ADAM10: variants seen among roughly 807,000 people sequenced by gnomAD.
ADAM10 encodes ADAM metallopeptidase domain 10.
A neutral mutation model predicts 90.1 loss-of-function variants in ADAM10; 17 were observed. The observed-to-expected ratio is 0.19, with a 90% CI of 0.13 to 0.28. The LOEUF is 0.28. Among genes scored for constraint, ADAM10 ranks in the 10% least tolerant of loss-of-function variants. The pLI is 1.00. For synonymous variants in ADAM10, 310 were observed against 298.6 expected (o/e 1.04, Z -0.40); for missense variants, 610 against 914.3 (o/e 0.67, Z 4.29).
At chr15:58,656,104 A>G (rs1480621727) in intron 5 of ADAM10, among the ~76,000 whole-genome samples, 1 of 152,074 alleles carries the variant, frequency 6.6e-6, no homozygotes, top group Non-Finnish European at 1.5e-5. Flanking sequence ...CCTGAAATCT[A>G]TTTTGACTGA....
At chr15:58,687,894 T>C (rs906147212) in intron 2 of ADAM10, among the ~76,000 whole-genome samples, 4 of 152,156 alleles carry the variant, frequency 2.6e-5, no homozygotes, top group South Asian at 2.1e-4. Flanking sequence ...TTTAGGATTA[T>C]AGATGGGGGA....
chr15:58,611,092 T>C lies in ADAM10; in HGVS notation c.1711A>G (p.Ile571Val), dbSNP rs199764041. Reference protein sequence around the residue: ...VCINGQCAGSICEKYGLEECT... With the variant: ...VCINGQCAGSVCEKYGLEECT... ...TCCTCTAAGCCATATTTCTCACAGA[T>C]AGAACCTGCACATTGCTAGAAGAAA... Residue 571 changes from isoleucine to valine, a missense_variant, in exon 13 of 16, where the codon ATC becomes GTC. This residue lies in a region of ADAM10 where 150 missense variants were observed against 268.5 expected (regional missense o/e 0.56). Coordinates refer to ENST00000260408, the MANE Select transcript of ADAM10 (RefSeq NM_001110.4). 28 of 1,613,290 alleles carry C rather than the reference T, an allele frequency of 1.7e-5. No individual in the cohort carries two copies. The highest frequency in any genetic ancestry group is 3.3e-5 in the Admixed American group (2 of 60,020).
chr15:58,601,316 G>C (rs943675129), intron 14 of ADAM10, among the ~76,000 whole-genome samples: 2 of 152,006 alleles, frequency 1.3e-5, no homozygotes, highest in South Asian at 4.2e-4. Context: ...ACAAAAATTA[G>C]CCAGGAATGA....
chr15:58,648,467 T>C (rs1238983621), intron 5 of ADAM10, among the ~76,000 whole-genome samples: 3 of 152,182 alleles, frequency 2.0e-5, no homozygotes, highest in East Asian at 1.9e-4. Context: ...TGAAGTTTTA[T>C]GTGTGAAAGA....
At chr15:58,666,857 T>C (rs1405963621) in intron 4 of ADAM10, among the ~76,000 whole-genome samples, 1 of 152,158 alleles carries the variant, frequency 6.6e-6, no homozygotes, top group African/African-American at 2.4e-5. Context: ...ACAGTATTTA[T>C]ATATGCTTCA....
chr15:58,627,552 A>T, intron 10 of ADAM10, 148 bp downstream of exon 10: 1 of 696,690 alleles, frequency 1.4e-6, no homozygotes, highest in Non-Finnish European at 2.4e-6. Flanking sequence ...TGGCAAGATT[A>T]AGAAATAACG....
chr15:58,623,009 T>A (rs1895832867), intron 10 of ADAM10, among the ~76,000 whole-genome samples: 1 of 152,140 alleles, frequency 6.6e-6, no homozygotes, highest in Non-Finnish European at 1.5e-5. Flanking sequence ...CAAATCGACA[T>A]GGAAAACAGT....
intron 7 of ADAM10, among the ~76,000 whole-genome samples, chr15:58,641,725 G>A (rs1226708191): frequency 6.6e-6 from 1 of 152,152 alleles, no homozygotes; most frequent in Non-Finnish European, 1.5e-5. Context: ...AGAGACCTGT[G>A]TGTCTCCTCT....
At chr15:58,627,635 A>G (rs2076656400) in intron 10 of ADAM10, 65 bp downstream of exon 10, 3 of 1,448,522 alleles carry the variant, frequency 2.1e-6, no homozygotes, top group African/African-American at 1.4e-5. Context: ...ATCACTATAG[A>G]ATTCTTTCAA....
At chr15:58,713,920 G>A (rs1330790792) in intron 2 of ADAM10, among the ~76,000 whole-genome samples, 1 of 151,052 alleles carries the variant, frequency 6.6e-6, no homozygotes, top group African/African-American at 2.4e-5. Context: ...TCAAGCGATT[G>A]TCATGCCTCA....
chr15:58,676,338 T>C (rs965314402), intron 4 of ADAM10: 1 of 454,878 alleles, frequency 2.2e-6, no homozygotes, highest in African/African-American at 2.0e-5. Context: ...CATAACGTTA[T>C]TTTGAGAATT....
At chr15:58,628,980 A>C (rs539398748) in intron 9 of ADAM10, among the ~76,000 whole-genome samples, 147 of 152,270 alleles carry the variant, frequency 9.7e-4, no homozygotes, top group African/African-American at 3.3e-3. Flanking sequence ...GCATTTAGCA[A>C]CTCTATACTA....
In ADAM10 at chr15:58,682,252, G is replaced by A; in HGVS notation, c.269C>T (p.Thr90Ile). The A allele has an allele frequency of 1.9e-6, 3 of 1,612,918 alleles. No individual in the cohort carries two copies. Among genetic ancestry groups the A allele is most frequent in the South Asian group, 1.1e-5 (1 of 90,990 alleles). ...ATCATAATCAAGTACTTTATTTGATGTTTCTACTTTAAATTCATCACTGAA... is the reference window on the plus strand; with the variant it reads ...ATCATAATCAAGTACTTTATTTGATATTTCTACTTTAAATTCATCACTGAA... The part of the protein sequence containing the change: ...SLFSDEFKVE[T>I]SNKVLDYDTS... The change falls in exon 3 of 16, where the codon ACA becomes ATA. Residue 90 changes from threonine (T) to isoleucine (I), a missense_variant. Coordinates refer to ENST00000260408, the MANE Select transcript of ADAM10 (RefSeq NM_001110.4).
At chr15:58,692,538 T>C (rs1333979951) in intron 2 of ADAM10, 1 of 528,740 alleles carries the variant, frequency 1.9e-6, no homozygotes, top group Non-Finnish European at 3.8e-6. Flanking sequence ...TTTCCTTCTC[T>C]GGTTCCTTCT....
chr15:58,717,279 TAA>T (rs1898691460), intron 2 of ADAM10, among the ~76,000 whole-genome samples: 1 of 152,132 alleles, frequency 6.6e-6, no homozygotes, highest in Non-Finnish European at 1.5e-5. Flanking sequence ...ATAAAACATA[TAA>T]AAAGTAGTCA....
At chr15:58,630,476 T>C (rs531000448) in intron 9 of ADAM10, among the ~76,000 whole-genome samples, 15 of 152,192 alleles carry the variant, frequency 9.9e-5, no homozygotes, top group African/African-American at 3.4e-4. Flanking sequence ...TATTAGAAAG[T>C]AGTAGAAGTG....
At chr15:58,627,904 T>C in intron 9 of ADAM10, 21 bp from the exon 10 acceptor site, 1 of 1,610,938 alleles carries the variant, frequency 6.2e-7, no homozygotes, top group Non-Finnish European at 8.5e-7. Context: ...GAATATAAAG[T>C]TACATAAACA....
chr15:58,622,673 GTTGA>G (rs1168737944), intron 10 of ADAM10, among the ~76,000 whole-genome samples: 2 of 152,134 alleles, frequency 1.3e-5, no homozygotes, highest in African/African-American at 2.4e-5. Flanking sequence ...CCAGATCTTG[GTTGA>G]TTAAGATTAG....
chr15:58,645,296 C>T (rs1896518278), intron 6 of ADAM10, among the ~76,000 whole-genome samples: 1 of 152,116 alleles, frequency 6.6e-6, no homozygotes, highest in African/African-American at 2.4e-5. Flanking sequence ...AATCTCCTAC[C>T]TTATTACTAT....
Sources: allele counts gnomAD v4.1 joint callset (sites outside exome capture counted in the v4.1 genomes callset), GRCh38; gene constraint gnomAD v4.1.1; regional missense constraint gnomAD v4.1.1; transcripts MANE v1.5; gene names NCBI Gene and HGNC (gene_info 2026-07-23, HGNC 2026-07-21).